The following COL8A1 variants were observed in gnomAD, a reference collection of about 807,000 sequenced individuals.
COL8A1 encodes collagen alpha-1(VIII) chain.
Under a neutral mutation model 42.7 loss-of-function variants are expected in COL8A1, and 21 were observed. That is an observed-to-expected ratio of 0.49 (90% CI 0.35 to 0.71). The LOEUF (loss-of-function observed/expected upper bound fraction) is 0.71, where lower values mean the gene tolerates loss of function less well. Among genes scored for constraint, COL8A1 ranks in the 30% least tolerant of loss-of-function variants. COL8A1 has a pLI of 0.01. For synonymous variants in COL8A1, 367 were observed against 369.1 expected (o/e 0.99, Z 0.06); for missense variants, 788 against 962.4 (o/e 0.82, Z 2.40).
At chr3:99,645,198 T>G (rs567988764) in intron 1 of COL8A1, among the ~76,000 whole-genome samples, 1 of 152,352 alleles carries the variant, frequency 6.6e-6, no homozygotes, top group South Asian at 2.1e-4. Context: ...TTATTGTATT[T>G]CTTTAATGAT....
rs1420638448 is a variant in COL8A1 at position 99,798,899 on chromosome 3, G to A, written c.*2763G>A. On this transcript the variant is annotated 3_prime_UTR_variant, in exon 4 of 4. Transcript: ENST00000652472. Reference sequence around the variant, plus strand: ...GTGTAAAAGCAGATGAAACAACCACGTGTTCTAAAGTCTAGGGATTGTGCT... The same window carrying A: ...GTGTAAAAGCAGATGAAACAACCACATGTTCTAAAGTCTAGGGATTGTGCT... 3 of 152,204 alleles carry A rather than the reference G, an allele frequency of 2.0e-5. No individual in the cohort carries two copies. Among genetic ancestry groups the A allele is most frequent in the Non-Finnish European group, 4.4e-5 (3 of 68,036 alleles). The allele number at this position is 152,204 out of a possible 1,614,324, so 9.4% of individuals were successfully genotyped here.
intron 2 of COL8A1, among the ~76,000 whole-genome samples, chr3:99,790,450 A>G (rs993276265): frequency 3.9e-5 from 6 of 152,214 alleles, no homozygotes; most frequent in African/African-American, 9.6e-5. Context: ...AGTCTCTCCC[A>G]TAGTCTATGT....
At chr3:99,695,648 C>T (rs950568092) in intron 1 of COL8A1, among the ~76,000 whole-genome samples, 1 of 152,090 alleles carries the variant, frequency 6.6e-6, no homozygotes, top group Non-Finnish European at 1.5e-5. Context: ...CTCTCTCCCT[C>T]CTACTTTTCT....
rs1942079115 is a variant in COL8A1, at chr3:99,795,166, A to C, written c.1265A>C (p.Gln422Pro). The C allele has an allele frequency of 6.2e-7, 1 of 1,613,678 alleles. No individual in the cohort carries two copies. The highest frequency in any genetic ancestry group is 8.5e-7 in the Non-Finnish European group (1 of 1,179,808). The change falls in exon 4 of 4, where the codon CAG becomes CCG. Residue 422 changes from glutamine (Q) to proline (P), a missense_variant. Gln to Pro is a moderately conservative substitution (Grantham distance 76, BLOSUM62 -1). Transcript: ENST00000652472. ...GGAGAAGGTGGGATTGTAGGGCCACAGGGGCCACCAGGTCCCAAGGGTGAG... is the reference window on the plus strand; with the variant it reads ...GGAGAAGGTGGGATTGTAGGGCCACCGGGGCCACCAGGTCCCAAGGGTGAG... ...PKGEGGIVGP[Q>P]GPPGPKGEPG... is the part of the protein sequence containing the mutation.
At chr3:99,733,101 T>C (rs1940571238) in intron 1 of COL8A1, among the ~76,000 whole-genome samples, 2 of 150,338 alleles carry the variant, frequency 1.3e-5, no homozygotes, top group African/African-American at 4.9e-5. Context: ...GGGTACAGCC[T>C]CTCTCCCAGC....
At chr3:99,700,824 A>G (rs1272608294) in intron 1 of COL8A1, among the ~76,000 whole-genome samples, 1 of 152,164 alleles carries the variant, frequency 6.6e-6, no homozygotes, top group African/African-American at 2.4e-5. Flanking sequence ...GTTTGCATAC[A>G]TACACACACC....
intron 1 of COL8A1, among the ~76,000 whole-genome samples, chr3:99,728,332 G>A (rs938714184): frequency 1.3e-5 from 2 of 152,034 alleles, no homozygotes; most frequent in African/African-American, 4.8e-5. Context: ...AGATTCTAGA[G>A]CATTTCAGAA....
At chr3:99,779,467 C>A (rs1366038123) in intron 2 of COL8A1, among the ~76,000 whole-genome samples, 1 of 152,158 alleles carries the variant, frequency 6.6e-6, no homozygotes, top group African/African-American at 2.4e-5. Flanking sequence ...CAAGGGCAAC[C>A]TGCTGCTATC....
chr3:99,652,184 A>AAGAATC (rs1267956071), intron 1 of COL8A1, among the ~76,000 whole-genome samples: 3 of 152,246 alleles, frequency 2.0e-5, no homozygotes, highest in Non-Finnish European at 2.9e-5. Context: ...CTCCTTTTCC[A>AAGAATC]CAGAGAAAGT....
At chr3:99,721,620 T>C (rs1208412557) in intron 1 of COL8A1, among the ~76,000 whole-genome samples, 2 of 152,100 alleles carry the variant, frequency 1.3e-5, no homozygotes, top group East Asian at 1.9e-4. Flanking sequence ...ACAGTTGTAA[T>C]AGAAGAAGAA....
chr3:99,720,276 G>A (rs1004844808), intron 1 of COL8A1, among the ~76,000 whole-genome samples: 38 of 152,122 alleles, frequency 2.5e-4, no homozygotes, highest in African/African-American at 8.4e-4. Flanking sequence ...AACTTTTTGC[G>A]CATTGGCTGA....
At chr3:99,718,521 G>C (rs559670665) in intron 1 of COL8A1, among the ~76,000 whole-genome samples, 1 of 152,188 alleles carries the variant, frequency 6.6e-6, no homozygotes, top group Admixed American at 6.6e-5. Flanking sequence ...GGGAAGGACA[G>C]AAGATAGGCT....
At chr3:99,767,274 G>C (rs1195483349) in intron 2 of COL8A1, among the ~76,000 whole-genome samples, 4 of 152,102 alleles carry the variant, frequency 2.6e-5, no homozygotes, top group Admixed American at 6.6e-5. Flanking sequence ...ATTAATCTTA[G>C]AGCTCCTCAG....
chr3:99,685,583 T>C (rs938138567), intron 1 of COL8A1: 1 of 152,214 alleles, frequency 6.6e-6, no homozygotes, highest in Non-Finnish European at 1.5e-5. Context: ...TATGGAATTG[T>C]AGAGTCTTTT....
At chr3:99,774,720 C>T (rs1339608845) in intron 2 of COL8A1, among the ~76,000 whole-genome samples, 1 of 152,176 alleles carries the variant, frequency 6.6e-6, no homozygotes, top group Admixed American at 6.5e-5. Flanking sequence ...CAGTGAACTC[C>T]TCAGCTAGGC....
chr3:99,775,933 C>A (rs1259368573), intron 2 of COL8A1, among the ~76,000 whole-genome samples: 2 of 152,226 alleles, frequency 1.3e-5, no homozygotes, highest in Non-Finnish European at 2.9e-5. Context: ...GCACTACCAT[C>A]TAGTGGACTA....
chr3:99,723,003 TTGTGTG>T (rs34062497), intron 1 of COL8A1, among the ~76,000 whole-genome samples: 7 of 147,074 alleles, frequency 4.8e-5, no homozygotes, highest in South Asian at 2.2e-4. Flanking sequence ...GAGACCAAAG[TTGTGTG>T]TGTGTGTGTG....
intron 1 of COL8A1, among the ~76,000 whole-genome samples, chr3:99,680,928 C>T (rs1367886016): frequency 1.3e-5 from 2 of 152,054 alleles, no homozygotes; most frequent in East Asian, 3.8e-4. Context: ...GAAAAACTGG[C>T]TAGCCATATG....
At chr3:99,717,621 A>T (rs1199364933) in intron 1 of COL8A1, among the ~76,000 whole-genome samples, 4 of 152,042 alleles carry the variant, frequency 2.6e-5, no homozygotes, top group African/African-American at 9.7e-5. Flanking sequence ...CCCTCACCGA[A>T]TTAAGTAGCT....
Sources: allele counts gnomAD v4.1 joint callset (sites outside exome capture counted in the v4.1 genomes callset), GRCh38; gene constraint gnomAD v4.1.1; transcripts MANE v1.5; gene names NCBI Gene and HGNC (gene_info 2026-07-23, HGNC 2026-07-21).